The following LRP1B variants were observed in gnomAD, a reference collection of about 807,000 sequenced individuals.
The protein encoded by LRP1B is LDL receptor related protein 1B.
A neutral mutation model predicts 556.6 loss-of-function variants in LRP1B; 217 were observed. That is an observed-to-expected ratio of 0.39 (90% CI 0.35 to 0.44). The LOEUF (loss-of-function observed/expected upper bound fraction) is 0.44. Among genes scored for constraint, LRP1B ranks in the 20% least tolerant of loss-of-function variants. LRP1B has a pLI of 1.00. For synonymous variants in LRP1B, 2,047 were observed against 1,865.8 expected (o/e 1.10, Z -2.50); for missense variants, 5,053 against 5,620.8 (o/e 0.90, Z 3.23).
chr2:140,459,375 G>A (rs1021961336), intron 60 of LRP1B, among the ~76,000 whole-genome samples: 1 of 152,122 alleles, frequency 6.6e-6, no homozygotes, highest in Non-Finnish European at 1.5e-5. Context: ...TACAGGAAAT[G>A]TTGAAAGCCT....
At chr2:140,881,167 G>A (rs1473474780) in intron 25 of LRP1B, among the ~76,000 whole-genome samples, 1 of 151,654 alleles carries the variant, frequency 6.6e-6, no homozygotes, top group Non-Finnish European at 1.5e-5. Flanking sequence ...TGTTTATATT[G>A]TACATAGCAC....
intron 3 of LRP1B, among the ~76,000 whole-genome samples, chr2:141,299,112 T>C (rs949952166): frequency 1.4e-4 from 21 of 152,130 alleles, no homozygotes; most frequent in Non-Finnish European, 2.4e-4. Context: ...GAAGTGAAGA[T>C]GGTCTTATGG....
In LRP1B at chr2:142,023,601, G is replaced by T. The variant is rs562925853; in HGVS notation, c.82+107047C>A. Among the ~76,000 whole-genome samples the T allele has an allele frequency of 3.5e-4, 54 of 152,272 alleles. No homozygotes were observed. The Middle Eastern group carries it at 0.014, about 38-fold the overall frequency. On this transcript the variant is annotated intron_variant, in intron 1 of 90. Coordinates refer to ENST00000389484, the MANE Select transcript of LRP1B (RefSeq NM_018557.3). The stretch of plus-strand genomic sequence containing the variant: ...ACTAACTCATGCTGAAGAGGCCAAT[G>T]GTTGAGAATAAAGAGAAGATATTAC...
chr2:142,011,133 G>C (rs143898096), intron 1 of LRP1B, among the ~76,000 whole-genome samples: 1 of 152,234 alleles, frequency 6.6e-6, no homozygotes, highest in African/African-American at 2.4e-5. Flanking sequence ...ATTTTGTACT[G>C]TCTGAGAGCT....
chr2:142,107,696 C>T (rs1002454180), intron 1 of LRP1B, among the ~76,000 whole-genome samples: 13 of 151,888 alleles, frequency 8.6e-5, no homozygotes, highest in East Asian at 5.8e-4. Flanking sequence ...GGCACAATCT[C>T]GGCTCATTGC....
intron 43 of LRP1B, among the ~76,000 whole-genome samples, chr2:140,568,761 C>T (rs1319803203): frequency 6.6e-6 from 1 of 151,948 alleles, no homozygotes; most frequent in African/African-American, 2.4e-5. Context: ...ATAAGGGTAT[C>T]CCCATTACAT....
At chr2:140,846,945 T>A (rs1044917465) in intron 29 of LRP1B, among the ~76,000 whole-genome samples, 1 of 152,222 alleles carries the variant, frequency 6.6e-6, no homozygotes, top group African/African-American at 2.4e-5. Context: ...AGTTTCATTC[T>A]GGAAAAAATT....
At chr2:141,396,575 C>T (rs921106584) in intron 3 of LRP1B, among the ~76,000 whole-genome samples, 2 of 151,900 alleles carry the variant, frequency 1.3e-5, no homozygotes, top group African/African-American at 4.8e-5. Flanking sequence ...ATTACCTTTG[C>T]TATGCCCTGA....
At chr2:140,344,879 A>G (rs1293955497) in intron 77 of LRP1B, among the ~76,000 whole-genome samples, 1 of 151,734 alleles carries the variant, frequency 6.6e-6, no homozygotes, top group African/African-American at 2.4e-5. Flanking sequence ...AGGAGCAAGC[A>G]AAAGAGACTG....
chr2:141,552,073 C>CT (rs1685773836), intron 2 of LRP1B, among the ~76,000 whole-genome samples: 2 of 151,884 alleles, frequency 1.3e-5, no homozygotes, highest in South Asian at 2.1e-4. Context: ...CAAAGTCTTT[C>CT]TTTTTTTATA....
intron 11 of LRP1B, among the ~76,000 whole-genome samples, chr2:141,044,117 A>C (rs1255535947): frequency 1.3e-5 from 2 of 151,838 alleles, no homozygotes; most frequent in African/African-American, 4.8e-5. Context: ...ATAACGCCGC[A>C]TATCTACAGC....
chr2:140,923,703 A>G (rs1694808011), intron 20 of LRP1B, among the ~76,000 whole-genome samples: 1 of 152,056 alleles, frequency 6.6e-6, no homozygotes, highest in African/African-American at 2.4e-5. Context: ...TAACTTCTGG[A>G]CAAAGGATTT....
intron 1 of LRP1B, among the ~76,000 whole-genome samples, chr2:142,001,823 G>T (rs1373882526): frequency 1.3e-5 from 2 of 152,038 alleles, no homozygotes; most frequent in Non-Finnish European, 2.9e-5. Flanking sequence ...CAAAAATTAG[G>T]AATGTAAGCC....
chr2:141,133,704 C>G (rs955446551), intron 7 of LRP1B, among the ~76,000 whole-genome samples: 9 of 151,920 alleles, frequency 5.9e-5, no homozygotes, highest in African/African-American at 2.2e-4. Flanking sequence ...AGCCCAATGA[C>G]AGGCAAGCAT....
At chr2:140,906,214 T>C (rs1694250344) in intron 22 of LRP1B, among the ~76,000 whole-genome samples, 1 of 152,182 alleles carries the variant, frequency 6.6e-6, no homozygotes, top group Admixed American at 6.6e-5. Context: ...CCTTATAATC[T>C]ATTTCAGTCT....
intron 2 of LRP1B, among the ~76,000 whole-genome samples, chr2:141,780,479 T>A (rs1435958319): frequency 1.3e-5 from 2 of 152,208 alleles, no homozygotes; most frequent in East Asian, 3.8e-4. Context: ...GATGTCCTGA[T>A]AAATGCTTAT....
At chr2:141,423,995 T>C (rs573739536) in intron 3 of LRP1B, among the ~76,000 whole-genome samples, 2 of 152,250 alleles carry the variant, frequency 1.3e-5, no homozygotes, top group Admixed American at 1.3e-4. Flanking sequence ...ATTTAAAACA[T>C]ATGATTCAGT....
intron 23 of LRP1B, among the ~76,000 whole-genome samples, chr2:140,887,686 A>G (rs910347903): frequency 6.6e-6 from 1 of 152,210 alleles, no homozygotes; most frequent in African/African-American, 2.4e-5. Flanking sequence ...TGAATAAAAA[A>G]ATGCTGTCTA....
At chr2:141,637,576 C>A (rs889202525) in intron 2 of LRP1B, among the ~76,000 whole-genome samples, 5 of 152,190 alleles carry the variant, frequency 3.3e-5, no homozygotes, top group Non-Finnish European at 7.3e-5. Context: ...GCTCTCACTT[C>A]ATGTTTGTCA....
Sources: gnomAD v4.1 joint callset for allele counts (sites outside exome capture counted in the v4.1 genomes callset) on GRCh38, gnomAD v4.1.1 for gene constraint, MANE v1.5 for transcripts, NCBI Gene and HGNC (gene_info 2026-07-23, HGNC 2026-07-21) for gene names.